Variants in SYNE1 observed in about 807,000 individuals in gnomAD.
The protein encoded by SYNE1 is spectrin repeat containing nuclear envelope protein 1.
In SYNE1, 616 loss-of-function variants were observed where a neutral mutation model predicts 1,111.0. The observed-to-expected ratio is 0.55, with a 90% CI of 0.52 to 0.59. The LOEUF is 0.59. Among genes scored for constraint, SYNE1 ranks in the 20% least tolerant of loss-of-function variants. The probability of loss-of-function intolerance (pLI) is 0.00; values close to 1 mark genes in which losing one functional copy is unlikely to be tolerated. For synonymous variants in SYNE1, 3,855 were observed against 3,825.8 expected (o/e 1.01, Z -0.28); for missense variants, 10,006 against 10,417.0 (o/e 0.96, Z 1.72).
At chr6:152,144,078 T>C in intron 137 of SYNE1, 1 of 402,534 alleles carries the variant, frequency 2.5e-6, no homozygotes, top group Non-Finnish European at 4.7e-6. Flanking sequence ...GTTGTCAGTG[T>C]GGAAGGCCTT....
chr6:152,236,642 G>T (rs997217190), intron 109 of SYNE1, among the ~76,000 whole-genome samples, 175 bp downstream of exon 109: 2 of 152,072 alleles, frequency 1.3e-5, no homozygotes, highest in Non-Finnish European at 2.9e-5. Flanking sequence ...AAAGAAAAAA[G>T]AAAGACTTTT....
In SYNE1 at chr6:152,324,553, C is replaced by A. The variant is rs887772223; in HGVS notation, c.15657+531G>T. Among the ~76,000 whole-genome samples the A allele has an allele frequency of 5.1e-4, 77 of 152,046 alleles. 1 individual carries two copies. The highest frequency in any genetic ancestry group is 1.7e-3 in the African/African-American group (72 of 41,400). ...TCACGCCTGTAATCCCAGCACTTGG[C>A]GGGGGCTGAGGCGGGCGGATCACGA... On this transcript the variant is annotated intron_variant, in intron 81 of 145. Coordinates refer to ENST00000367255, the MANE Select transcript of SYNE1 (RefSeq NM_182961.4).
In SYNE1 at chr6:152,443,859, TAA is replaced by T. The variant is rs2098553989; in HGVS notation, c.3837+550_3837+551del. Among the ~76,000 whole-genome samples the T allele has an allele frequency of 2.6e-5, 4 of 152,162 alleles. No individual in the cohort carries two copies. In the South Asian group the frequency reaches 8.3e-4, roughly 32 times the overall value. ...TGTGCACTACCAGACTATCAGAAAT[TAA>T]GTTGATTAAAATAGCTTCTTATCAG... On this transcript the variant is annotated intron_variant, in intron 30 of 145. Transcript: ENST00000367255.
At chr6:152,482,884 AG>A (rs1420439256) in intron 14 of SYNE1, among the ~76,000 whole-genome samples, 200 bp downstream of exon 14, 5 of 152,264 alleles carry the variant, frequency 3.3e-5, no homozygotes, top group Non-Finnish European at 7.3e-5. Flanking sequence ...AAAATATCTC[AG>A]GAAGTCAACC....
In SYNE1 at chr6:152,632,441, A is replaced by G. The variant is rs966228824; in HGVS notation, c.-223-3887T>C. Among the ~76,000 whole-genome samples, 58 of 152,218 alleles carry G rather than the reference A, an allele frequency of 3.8e-4. 2 individuals carry two copies. The highest frequency in any genetic ancestry group is 7.3e-5 in the Non-Finnish European group (5 of 68,046). On this transcript the variant is annotated intron_variant, in intron 2 of 145. Coordinates refer to ENST00000367255, the MANE Select transcript of SYNE1 (RefSeq NM_182961.4). ...CTTTTTACTGATACTTTATCTAATT[A>G]CATGATTTAATAAGAAATTTAAATG...
intron 2 of SYNE1, among the ~76,000 whole-genome samples, chr6:152,631,362 C>A (rs1406207168): frequency 6.6e-6 from 1 of 152,132 alleles, no homozygotes; most frequent in Non-Finnish European, 1.5e-5. Context: ...AGAAACTCTA[C>A]AAGGTGACAT....
chr6:152,189,501 T>C, intron 127 of SYNE1, 94 bp from the exon 128 acceptor site: 1 of 1,212,696 alleles, frequency 8.2e-7, no homozygotes, highest in Non-Finnish European at 1.2e-6. Context: ...ATTTCCTTTG[T>C]ATAGCCCTCA....
intron 3 of SYNE1, among the ~76,000 whole-genome samples, chr6:152,582,260 A>C (rs949679418): frequency 5.9e-5 from 9 of 152,096 alleles, no homozygotes; most frequent in Non-Finnish European, 1.0e-4. Context: ...CAAAGGTAAG[A>C]TCTCCCATAA....
intron 53 of SYNE1, 91 bp downstream of exon 53, chr6:152,390,189 G>A (rs1591711861): frequency 1.4e-6 from 2 of 1,426,362 alleles, no homozygotes; most frequent in Non-Finnish European, 9.8e-7. Flanking sequence ...AAATGCTTGG[G>A]AATTCCACCC....
At chr6:152,215,188 G>T in intron 121 of SYNE1, 128 bp from the exon 122 acceptor site, 1 of 1,028,572 alleles carries the variant, frequency 9.7e-7, no homozygotes, top group Non-Finnish European at 1.5e-6. Flanking sequence ...TGCATTTCTA[G>T]GCCACTTACT....
At chr6:152,144,090 C>G in intron 137 of SYNE1, 1 of 387,264 alleles carries the variant, frequency 2.6e-6, no homozygotes, top group Middle Eastern at 8.7e-4. Flanking sequence ...GAAGGCCTTT[C>G]TAAAAATCTG....
intron 63 of SYNE1, among the ~76,000 whole-genome samples, chr6:152,363,938 G>C (rs896650445): frequency 6.6e-6 from 1 of 152,112 alleles, no homozygotes; most frequent in African/African-American, 2.4e-5. Context: ...TGGGCAACTC[G>C]CTTGATAACA....
intron 93 of SYNE1, among the ~76,000 whole-genome samples, chr6:152,296,566 C>A (rs1168765546): frequency 6.6e-6 from 1 of 152,232 alleles, no homozygotes; most frequent in Non-Finnish European, 1.5e-5. Context: ...CATATCCTGG[C>A]CACAGCCTTG....
At chr6:152,285,258 T>G (rs932681099) in intron 95 of SYNE1, among the ~76,000 whole-genome samples, 3 of 152,116 alleles carry the variant, frequency 2.0e-5, no homozygotes, top group African/African-American at 7.2e-5. Context: ...GGCTTTTATC[T>G]CAAAAATATA....
intron 12 of SYNE1, among the ~76,000 whole-genome samples, chr6:152,486,881 C>A (rs557224695): frequency 2.6e-5 from 4 of 152,076 alleles, no homozygotes; most frequent in Admixed American, 6.5e-5. Context: ...TTCATTTGAC[C>A]TTTTTCTGTA....
chr6:152,371,915 A>C (rs866058531), intron 59 of SYNE1, among the ~76,000 whole-genome samples: 1,377 of 49,136 alleles, frequency 0.028, 84 homozygotes, highest in African/African-American at 0.082. Flanking sequence ...AAGGAAAGGA[A>C]AGGAAAGGAC....
intron 64 of SYNE1, among the ~76,000 whole-genome samples, chr6:152,361,582 T>C (rs1273233710): frequency 6.6e-6 from 1 of 151,960 alleles, no homozygotes; most frequent in Non-Finnish European, 1.5e-5. Flanking sequence ...ATGTGAGAGG[T>C]TAAAGGATTT....
At position 152,152,729 on chromosome 6, in the gene SYNE1, A is replaced by G. The variant is rs183900616; in HGVS notation, c.24130-588T>C. On this transcript the variant is annotated intron_variant, in intron 133 of 145. Coordinates refer to ENST00000367255, the MANE Select transcript of SYNE1 (RefSeq NM_182961.4). ...CTATTATAAGCTTTTAAGAAAAGTA[A>G]TTTAGTAAAATACAAGTAACTTTAT... Among the ~76,000 whole-genome samples, 289 of 152,352 alleles carry G rather than the reference A, an allele frequency of 1.9e-3. 1 individual carries two copies. Among genetic ancestry groups the G allele is most frequent in the Non-Finnish European group, 3.1e-3 (214 of 68,034 alleles).
At chr6:152,202,314 T>C (rs560601808) in intron 126 of SYNE1, among the ~76,000 whole-genome samples, 1 of 115,818 alleles carries the variant, frequency 8.6e-6, no homozygotes, top group East Asian at 2.9e-4. Flanking sequence ...ACCACTGCAC[T>C]CCAGTCTAGG....
Sources: gnomAD v4.1 joint callset for allele counts (sites outside exome capture counted in the v4.1 genomes callset) on GRCh38, gnomAD v4.1.1 for gene constraint, MANE v1.5 for transcripts, NCBI Gene and HGNC (gene_info 2026-07-23, HGNC 2026-07-21) for gene names.